The following ASTN2 variants were observed in gnomAD, a reference collection of about 807,000 sequenced individuals.
The protein encoded by ASTN2 is astrotactin 2.
A neutral mutation model predicts 139.8 loss-of-function variants in ASTN2; 54 were observed. The observed-to-expected ratio is 0.39, with a 90% CI of 0.31 to 0.48. The LOEUF is 0.48. Ranked by LOEUF, ASTN2 falls within the 20% of genes least tolerant of loss-of-function variation. ASTN2 has a pLI of 0.95. For missense variants in ASTN2, 1,565 were observed against 1,725.1 expected (o/e 0.91, Z 1.64); for synonymous variants, 756 against 719.5 (o/e 1.05, Z -0.81).
intron 3 of ASTN2, among the ~76,000 whole-genome samples, chr9:117,153,289 T>C (rs1184785094): frequency 6.6e-6 from 1 of 151,702 alleles, no homozygotes; most frequent in Non-Finnish European, 1.5e-5. Flanking sequence ...TGGAGCAGAG[T>C]CACCTTAACT....
At chr9:116,434,333 A>T (rs528408422) in intron 22 of ASTN2, among the ~76,000 whole-genome samples, 1 of 152,320 alleles carries the variant, frequency 6.6e-6, no homozygotes, top group South Asian at 2.1e-4. Flanking sequence ...TGTTCCCAAT[A>T]TCTTAAAAAT....
intron 10 of ASTN2, among the ~76,000 whole-genome samples, chr9:116,865,152 G>C (rs528441290): frequency 1.3e-5 from 2 of 151,996 alleles, no homozygotes. Flanking sequence ...TTATTGCCAA[G>C]CCCTCTTGGG....
chr9:116,613,521 A>C (rs1324374262), intron 19 of ASTN2: 1 of 153,920 alleles, frequency 6.5e-6, no homozygotes, highest in East Asian at 1.9e-4. Context: ...CAAAAAGCTT[A>C]TCCACCACAA....
At chr9:116,449,392 C>T (rs544331578) in intron 20 of ASTN2, among the ~76,000 whole-genome samples, 23 of 152,112 alleles carry the variant, frequency 1.5e-4, no homozygotes, top group Non-Finnish European at 2.2e-4. Context: ...GCCAAGAGAG[C>T]GAGACCCTGC....
Position 117,214,561 on chromosome 9 carries a change from G to A in ASTN2, c.812C>T (p.Ser271Phe). 1 of 1,612,192 alleles carries A rather than the reference G, an allele frequency of 6.2e-7. No individual in the cohort carries two copies. The highest frequency in any genetic ancestry group is 8.5e-7 in the Non-Finnish European group (1 of 1,178,338). ...GPQARESFRSSRLQTHNSVIG... is the reference protein window; with the variant it reads ...GPQARESFRSFRLQTHNSVIG... The stretch of plus-strand genomic sequence containing the variant: ...GACGGAATTGTGGGTTTGCAGCCGG[G>A]ATGAACGGAAGCTCTCCCGCGCCTG... Residue 271 changes from serine (S) to phenylalanine (F), a missense_variant, in exon 3 of 23, where the codon TCC (serine) becomes TTC (phenylalanine). Physicochemically the swap from Ser to Phe is radical, Grantham distance 155. Coordinates refer to ENST00000313400, the MANE Select transcript of ASTN2 (RefSeq NM_001365068.1).
intron 1 of ASTN2, among the ~76,000 whole-genome samples, chr9:117,373,870 C>CA (rs1281143495): frequency 6.6e-6 from 1 of 152,174 alleles, no homozygotes; most frequent in African/African-American, 2.4e-5. Context: ...GCAGGTTGGA[C>CA]AGCACATATC....
intron 12 of ASTN2, among the ~76,000 whole-genome samples, chr9:116,813,401 G>A (rs569804604): frequency 6.6e-6 from 1 of 152,310 alleles, no homozygotes; most frequent in African/African-American, 2.4e-5. Flanking sequence ...TTGTCACAGA[G>A]GATCCTGAGG....
At chr9:117,356,510 G>A (rs1194521774) in intron 1 of ASTN2, among the ~76,000 whole-genome samples, 1 of 152,344 alleles carries the variant, frequency 6.6e-6, no homozygotes, top group East Asian at 1.9e-4. Context: ...AGCAAGAGCA[G>A]TGCAGGAACA....
intron 19 of ASTN2, among the ~76,000 whole-genome samples, chr9:116,587,345 TTAAAAAAAA>T (rs1294347232): frequency 2.4e-5 from 2 of 83,300 alleles, no homozygotes; most frequent in Admixed American, 1.1e-4. Context: ...CATCTCAAAT[TTAAAAAAAA>T]AAAAAAAAAA....
chr9:117,257,121 G>A (rs537532009), intron 2 of ASTN2, among the ~76,000 whole-genome samples: 3 of 152,298 alleles, frequency 2.0e-5, no homozygotes, highest in South Asian at 2.1e-4. Flanking sequence ...AAACGTTTCA[G>A]AAACAAACTT....
At chr9:116,531,606 A>G (rs536542046) in intron 19 of ASTN2, among the ~76,000 whole-genome samples, 1 of 148,716 alleles carries the variant, frequency 6.7e-6, no homozygotes, top group Non-Finnish European at 1.5e-5. Flanking sequence ...ATGAGTGAGA[A>G]CATGTGGTGG....
At chr9:116,636,052 CAGT>C (rs1857058454) in intron 17 of ASTN2, among the ~76,000 whole-genome samples, 1 of 152,154 alleles carries the variant, frequency 6.6e-6, no homozygotes, top group Admixed American at 6.5e-5. Context: ...TGGAAAAAGC[CAGT>C]AATGACAAAG....
Position 117,291,480 on chromosome 9 carries a change from A to G in ASTN2, c.476T>C (p.Val159Ala). Residue 159 changes from valine (V) to alanine (A), a missense_variant, in exon 2 of 23, where the codon GTG (valine) becomes GCG (alanine). Coordinates refer to ENST00000313400, the MANE Select transcript of ASTN2 (RefSeq NM_001365068.1). ...CTCCAGCCACTGCTGTCTCCAGTGCACCAGCGAGATGTCCGCTGCTGTGCC... is the reference window on the plus strand; with the variant it reads ...CTCCAGCCACTGCTGTCTCCAGTGCGCCAGCGAGATGTCCGCTGCTGTGCC... ...MSGTAADISL[V>A]HWRQQWLENG... 6.2e-7 allele frequency: 1 copy of G among 1,612,882 alleles called. No homozygotes were observed. Among genetic ancestry groups the G allele is most frequent in the Non-Finnish European group, 8.5e-7 (1 of 1,179,376 alleles).
At chr9:116,532,970 T>TCC (rs1851426902) in intron 19 of ASTN2, among the ~76,000 whole-genome samples, 1 of 152,228 alleles carries the variant, frequency 6.6e-6, no homozygotes, top group African/African-American at 2.4e-5. Context: ...CATTTTGCAA[T>TCC]ATTGATTCTT....
chr9:117,030,678 C>G (rs1036308576), intron 6 of ASTN2, among the ~76,000 whole-genome samples: 1 of 151,532 alleles, frequency 6.6e-6, no homozygotes, highest in Non-Finnish European at 1.5e-5. Context: ...GGATCAGTTA[C>G]TATTTAAGGC....
Position 117,361,317 on chromosome 9 carries a change from G to A in ASTN2, c.442+53180C>T, listed in dbSNP as rs141757368. ...AACAGGATTCACCTAAGTGGGAGGC[G>A]GCCAGCATAGCAAGTCGCTCCCATG... On this transcript the variant is annotated intron_variant, in intron 1 of 22. Coordinates refer to ENST00000313400, the MANE Select transcript of ASTN2 (RefSeq NM_001365068.1). Among the ~76,000 whole-genome samples, 785 of 152,220 alleles carry A rather than the reference G, an allele frequency of 5.2e-3. 7 individuals carry two copies. The highest frequency in any genetic ancestry group is 0.018 in the African/African-American group (735 of 41,528).
chr9:117,279,491 G>C lies in ASTN2; in HGVS notation c.630+11835C>G, dbSNP rs145920905. On this transcript the variant is annotated intron_variant, in intron 2 of 22. Transcript: ENST00000313400. Reference sequence around the variant, plus strand: ...AAACTATTACTCTCACCATTTTACAGTTGAGAAGACAGAGGCACAGAGAAG... The same window carrying C: ...AAACTATTACTCTCACCATTTTACACTTGAGAAGACAGAGGCACAGAGAAG... Among the ~76,000 whole-genome samples the C allele has an allele frequency of 3.8e-3, 583 of 152,300 alleles. 6 individuals are homozygous for C. Among genetic ancestry groups the C allele is most frequent in the African/African-American group, 0.013 (521 of 41,566 alleles).
At chr9:117,023,866 G>A (rs1417415739) in intron 6 of ASTN2, among the ~76,000 whole-genome samples, 2 of 152,124 alleles carry the variant, frequency 1.3e-5, no homozygotes, top group Non-Finnish European at 2.9e-5. Flanking sequence ...GACTGAAATA[G>A]GACTGGAGGC....
Position 117,185,816 on chromosome 9 carries a change from G to A in ASTN2, c.1015+28542C>T, listed in dbSNP as rs765797223. ...GTTATTTCCAGGTGGGAGCCAAAGAGGAACAGAGAAAAAGAGGCCAAGATT... is the reference window on the plus strand; with the variant it reads ...GTTATTTCCAGGTGGGAGCCAAAGAAGAACAGAGAAAAAGAGGCCAAGATT... On this transcript the variant is annotated intron_variant, in intron 3 of 22. Transcript: ENST00000313400. 1.8e-4 allele frequency among the ~76,000 whole-genome samples: 27 copies of A among 152,076 alleles called. 1 individual carries two copies. The highest frequency in any genetic ancestry group is 4.0e-4 in the Non-Finnish European group (27 of 68,018).
Sources: gnomAD v4.1 joint callset for allele counts (sites outside exome capture counted in the v4.1 genomes callset) on GRCh38, gnomAD v4.1.1 for gene constraint, MANE v1.5 for transcripts, NCBI Gene and HGNC (gene_info 2026-07-23, HGNC 2026-07-21) for gene names.